CSMD1: variants seen among roughly 807,000 people sequenced by gnomAD.
CSMD1 encodes the protein CUB and sushi domain-containing protein 1.
Under a neutral mutation model 417.5 loss-of-function variants are expected in CSMD1, and 213 were observed. That is an observed-to-expected ratio of 0.51 (90% CI 0.46 to 0.57). CSMD1 has a LOEUF of 0.57. Among genes scored for constraint, CSMD1 ranks in the 20% least tolerant of loss-of-function variants. The pLI is 0.00. For missense variants in CSMD1, 6,923 were observed against 4,529.7 expected (o/e 1.53, Z -15.17); for synonymous variants, 2,862 against 1,736.8 (o/e 1.65, Z -16.11).
chr8:4,448,101 T>C (rs1318886395), intron 2 of CSMD1, among the ~76,000 whole-genome samples: 2 of 152,230 alleles, frequency 1.3e-5, no homozygotes, highest in Non-Finnish European at 2.9e-5. Flanking sequence ...CCCTTCTCTA[T>C]GTTCTTGATC....
rs140310023 is a variant in CSMD1, at chr8:4,708,942, A to C, written c.86-71384T>G. Among the ~76,000 whole-genome samples the C allele has an allele frequency of 5.7e-3, 866 of 152,276 alleles. 5 individuals carry two copies. The highest frequency in any genetic ancestry group is 0.02 in the Middle Eastern group (6 of 294). ...AAGGTGGTCATTCACAAGCCAAAGAAAGAGGCCTCAGAAAAGAGCAATCCT... is the reference window on the plus strand; with the variant it reads ...AAGGTGGTCATTCACAAGCCAAAGACAGAGGCCTCAGAAAAGAGCAATCCT... On this transcript the variant is annotated intron_variant, in intron 1 of 69. Coordinates refer to ENST00000635120, the MANE Select transcript of CSMD1 (RefSeq NM_033225.6).
intron 3 of CSMD1, among the ~76,000 whole-genome samples, chr8:4,179,399 C>T (rs1798230580): frequency 6.6e-6 from 1 of 152,124 alleles, no homozygotes; most frequent in Admixed American, 6.5e-5. Flanking sequence ...AGCTGGATCC[C>T]TTCCTTACAC....
intron 5 of CSMD1, among the ~76,000 whole-genome samples, chr8:3,846,059 A>C (rs980898884): frequency 1.3e-5 from 2 of 150,458 alleles, no homozygotes; most frequent in Admixed American, 1.3e-4. Context: ...TACAGTTAAA[A>C]TTAAAAAAAA....
chr8:3,858,937 G>A (rs1241885922), intron 5 of CSMD1, among the ~76,000 whole-genome samples: 1 of 152,150 alleles, frequency 6.6e-6, no homozygotes, highest in Non-Finnish European at 1.5e-5. Context: ...GTTGAAGTCA[G>A]TTTCAGCAGT....
At chr8:3,292,927 G>T (rs1188528894) in intron 25 of CSMD1, among the ~76,000 whole-genome samples, 1 of 151,950 alleles carries the variant, frequency 6.6e-6, no homozygotes, top group Non-Finnish European at 1.5e-5. Context: ...AGTCTCGATG[G>T]TCTTTACATT....
At chr8:3,674,092 T>G (rs1799238198) in intron 7 of CSMD1, among the ~76,000 whole-genome samples, 1 of 151,616 alleles carries the variant, frequency 6.6e-6, no homozygotes, top group East Asian at 1.9e-4. Flanking sequence ...AGTGACAGAG[T>G]GAGACTCCCT....
chr8:4,781,481 T>G (rs1419745100), intron 1 of CSMD1, among the ~76,000 whole-genome samples: 2 of 152,190 alleles, frequency 1.3e-5, no homozygotes, highest in African/African-American at 4.8e-5. Context: ...CAACATAATC[T>G]CAGACACCAG....
intron 5 of CSMD1, among the ~76,000 whole-genome samples, chr8:3,925,963 T>C (rs1809630764): frequency 6.6e-6 from 1 of 151,078 alleles, no homozygotes; most frequent in Non-Finnish European, 1.5e-5. Context: ...CCTTATACCT[T>C]TAACCTCAGT....
intron 2 of CSMD1, among the ~76,000 whole-genome samples, chr8:4,567,639 C>T (rs1798675559): frequency 6.6e-6 from 1 of 152,180 alleles, no homozygotes; most frequent in Non-Finnish European, 1.5e-5. Flanking sequence ...GATGCTCCTC[C>T]TTTCTCCCAA....
intron 4 of CSMD1, among the ~76,000 whole-genome samples, chr8:4,017,965 G>A (rs910488318): frequency 6.6e-6 from 1 of 152,094 alleles, no homozygotes; most frequent in South Asian, 2.1e-4. Context: ...ATAGCGGCAT[G>A]CATTTATACA....
intron 40 of CSMD1, among the ~76,000 whole-genome samples, chr8:3,143,948 A>C (rs949153548): frequency 6.6e-6 from 1 of 152,346 alleles, no homozygotes; most frequent in East Asian, 1.9e-4. Flanking sequence ...GAAAAATTGT[A>C]GGGAGGAAAC....
chr8:4,323,562 A>G (rs755182698), intron 3 of CSMD1, among the ~76,000 whole-genome samples: 12 of 152,270 alleles, frequency 7.9e-5, no homozygotes, highest in Middle Eastern at 6.8e-3. Flanking sequence ...ATTGGGTCAT[A>G]TATCTGCTTT....
At chr8:4,165,132 G>A (rs947864612) in intron 3 of CSMD1, among the ~76,000 whole-genome samples, 2 of 152,098 alleles carry the variant, frequency 1.3e-5, no homozygotes, top group East Asian at 3.9e-4. Context: ...ATGCATGACA[G>A]GTATCTATAT....
chr8:4,958,235 A>G lies in CSMD1; in HGVS notation c.85+36097T>C, dbSNP rs1809250585. 2.6e-5 allele frequency among the ~76,000 whole-genome samples: 4 copies of G among 152,208 alleles called. No individual in the cohort carries two copies. The South Asian group carries it at 8.3e-4, about 31-fold the overall frequency. On this transcript the variant is annotated intron_variant, in intron 1 of 69. Coordinates refer to ENST00000635120, the MANE Select transcript of CSMD1 (RefSeq NM_033225.6). ...TTTATAGTTTTCATGAAGAGTCAAT[A>G]TATTCAATATGAGATTAGAAAAACA...
intron 5 of CSMD1, among the ~76,000 whole-genome samples, chr8:3,882,376 G>C (rs965056705): frequency 6.6e-6 from 1 of 152,156 alleles, no homozygotes; most frequent in African/African-American, 2.4e-5. Flanking sequence ...CACTAGAATG[G>C]TTAAAATACA....
intron 15 of CSMD1, among the ~76,000 whole-genome samples, chr8:3,405,628 C>G (rs1812299625): frequency 1.3e-5 from 2 of 152,106 alleles, no homozygotes; most frequent in Non-Finnish European, 2.9e-5. Flanking sequence ...GACCCCCAAT[C>G]CAATATGATT....
intron 37 of CSMD1, among the ~76,000 whole-genome samples, chr8:3,173,677 G>T (rs939012037): frequency 2.0e-5 from 3 of 152,186 alleles, no homozygotes; most frequent in African/African-American, 7.2e-5. Flanking sequence ...TCTCGTCTCA[G>T]TGCACAGAAT....
At chr8:3,706,121 T>G (rs1180313674) in intron 7 of CSMD1, among the ~76,000 whole-genome samples, 3 of 152,250 alleles carry the variant, frequency 2.0e-5, no homozygotes, top group Admixed American at 2.0e-4. Context: ...TCGCCCCGTG[T>G]GGTTCACTTC....
At chr8:3,206,613 T>C (rs1585653855) in intron 30 of CSMD1, among the ~76,000 whole-genome samples, 2 of 142,234 alleles carry the variant, frequency 1.4e-5, no homozygotes, top group African/African-American at 5.3e-5. Context: ...TATGTGTGTG[T>C]ATGTGTGTGT....
Sources: gnomAD v4.1 joint callset for allele counts (sites outside exome capture counted in the v4.1 genomes callset) on GRCh38, gnomAD v4.1.1 for gene constraint, MANE v1.5 for transcripts, NCBI Gene and HGNC (gene_info 2026-07-23, HGNC 2026-07-21) for gene names.